The following ECHDC1 variants were observed in gnomAD, a reference collection of about 807,000 sequenced individuals.
The protein encoded by ECHDC1 is ethylmalonyl-CoA decarboxylase 1.
In ECHDC1, 29 loss-of-function variants were observed where a neutral mutation model predicts 29.7. The observed-to-expected ratio is 0.98, with a 90% CI of 0.73 to 1.33. The LOEUF (loss-of-function observed/expected upper bound fraction) is 1.33. ECHDC1 is among the 40% of genes most tolerant of loss of function. ECHDC1 has a pLI of 0.00. For missense variants in ECHDC1, 328 were observed against 350.0 expected (o/e 0.94, Z 0.50); for synonymous variants, 126 against 123.1 (o/e 1.02, Z -0.15).
intron 5 of ECHDC1, among the ~76,000 whole-genome samples, chr6:127,294,971 C>T (rs1780480666): frequency 6.7e-6 from 1 of 148,382 alleles, no homozygotes; most frequent in African/African-American, 2.5e-5. Context: ...TTTTTTGAGA[C>T]AGAGTCTCAC....
chr6:127,310,921 T>G (rs979330816), intron 5 of ECHDC1, among the ~76,000 whole-genome samples: 1 of 152,164 alleles, frequency 6.6e-6, no homozygotes, highest in African/African-American at 2.4e-5. Flanking sequence ...CCCCACCAGA[T>G]TACATCTCGG....
intron 1 of ECHDC1, among the ~76,000 whole-genome samples, chr6:127,332,476 C>A (rs1184296191): frequency 6.6e-6 from 1 of 151,810 alleles, no homozygotes; most frequent in African/African-American, 2.4e-5. Flanking sequence ...GACTTTTACA[C>A]ATTTTGGGGA....
intron 5 of ECHDC1, among the ~76,000 whole-genome samples, chr6:127,311,185 A>G (rs1037127551): frequency 3.3e-5 from 5 of 152,206 alleles, no homozygotes; most frequent in Admixed American, 2.0e-4. Flanking sequence ...AAGATGGCAG[A>G]TTTAAACCCA....
At chr6:127,294,723 G>A (rs905161006) in intron 5 of ECHDC1, 7 of 152,214 alleles carry the variant, frequency 4.6e-5, no homozygotes, top group Admixed American at 3.9e-4. Context: ...TTTTCTTGAT[G>A]TCACAGCTCT....
chr6:127,296,190 G>C lies in ECHDC1; in HGVS notation c.498-5913C>G, dbSNP rs73579988. ...TTGATAGATATGACTACTTTTGTGT[G>C]TGTGTGTCTGTTTTTTTTTAGACAG... On this transcript the variant is annotated intron_variant, in intron 5 of 5. Coordinates refer to ENST00000454859, the MANE Select transcript of ECHDC1 (RefSeq NM_001002030.2). Among the ~76,000 whole-genome samples the C allele has an allele frequency of 2.7e-3, 407 of 152,184 alleles. 4 individuals carry two copies. Among genetic ancestry groups the C allele is most frequent in the African/African-American group, 9.1e-3 (379 of 41,540 alleles).
At chr6:127,308,411 G>T in intron 5 of ECHDC1, among the ~76,000 whole-genome samples, 1 of 152,028 alleles carries the variant, frequency 6.6e-6, no homozygotes, top group Non-Finnish European at 1.5e-5. Flanking sequence ...TAATAATTTG[G>T]ACTCATGCTG....
chr6:127,303,810 C>T (rs532032911), intron 5 of ECHDC1, among the ~76,000 whole-genome samples: 1 of 152,202 alleles, frequency 6.6e-6, no homozygotes, highest in Non-Finnish European at 1.5e-5. Flanking sequence ...GACACTCCTC[C>T]ACCTTTGGAA....
intron 1 of ECHDC1, among the ~76,000 whole-genome samples, chr6:127,333,921 T>C (rs1174041699): frequency 6.6e-6 from 1 of 152,210 alleles, no homozygotes. Flanking sequence ...TGTGTTTCTA[T>C]AATGTCTAAC....
At chr6:127,306,700 A>C (rs917068715) in intron 5 of ECHDC1, among the ~76,000 whole-genome samples, 4 of 152,124 alleles carry the variant, frequency 2.6e-5, no homozygotes, top group African/African-American at 9.7e-5. Flanking sequence ...CTTCTTTATA[A>C]ATTACCCAGT....
Position 127,330,915 on chromosome 6 carries a change from T to C in ECHDC1, c.114A>G (p.Lys38=), listed in dbSNP as rs1314064806. 2 of 1,614,062 alleles carry C rather than the reference T, an allele frequency of 1.2e-6. No homozygotes were observed. Among genetic ancestry groups the C allele is most frequent in the Non-Finnish European group, 1.7e-6 (2 of 1,180,014 alleles). The change falls in exon 2 of 6, where the codon AAA becomes AAG. Residue 38 remains lysine, a synonymous_variant. Transcript: ENST00000454859. The stretch of plus-strand genomic sequence containing the variant: ...CACCAGGAAACTGCTGAAGTGTTTT[T>C]TTCACTTCTTCCTCATAAAATCCAT... ...TSHGFYEEEV[K]KTLQQFPGGS... is the part of the protein sequence containing the mutation.
At chr6:127,340,547 G>A (rs1387723521) in intron 1 of ECHDC1, among the ~76,000 whole-genome samples, 1 of 152,170 alleles carries the variant, frequency 6.6e-6, no homozygotes, top group African/African-American at 2.4e-5. Context: ...ATAAACCTGG[G>A]AGGCCTACAT....
intron 2 of ECHDC1, among the ~76,000 whole-genome samples, chr6:127,328,982 G>T (rs546109813): frequency 6.6e-6 from 1 of 151,944 alleles, no homozygotes; most frequent in Non-Finnish European, 1.5e-5. Flanking sequence ...AGCTGAGATC[G>T]CGCCACTGCA....
At chr6:127,328,186 AAATGACT>A (rs1783538964) in intron 2 of ECHDC1, among the ~76,000 whole-genome samples, 1 of 152,256 alleles carries the variant, frequency 6.6e-6, no homozygotes, top group Admixed American at 6.5e-5. Flanking sequence ...ACTAACTCAC[AAATGACT>A]AATGCAGCTA....
intron 5 of ECHDC1, among the ~76,000 whole-genome samples, chr6:127,292,328 AATC>A (rs528520296): frequency 1.0e-3 from 155 of 152,140 alleles, no homozygotes; most frequent in African/African-American, 2.9e-3. Context: ...TCTAAAGAAA[AATC>A]ATCATCTCTA....
intron 4 of ECHDC1, 95 bp downstream of exon 4, chr6:127,316,355 T>G (rs1384820856): frequency 1.9e-6 from 2 of 1,028,454 alleles, no homozygotes; most frequent in Non-Finnish European, 1.5e-6. Context: ...AATTTGAAAA[T>G]TAGCTATTAT....
At chr6:127,316,166 T>C in intron 4 of ECHDC1, 1 of 463,690 alleles carries the variant, frequency 2.2e-6, no homozygotes, top group South Asian at 1.8e-5. Flanking sequence ...TATTTAACTT[T>C]CCCAGTATCT....
chr6:127,314,826 A>G lies in ECHDC1; in HGVS notation c.487T>C (p.Cys163Arg). 6.2e-7 allele frequency: 1 copy of G among 1,606,810 alleles called. No individual in the cohort carries two copies. Among genetic ancestry groups the G allele is most frequent in the Non-Finnish European group, 8.5e-7 (1 of 1,177,224 alleles). ...AAATTTTCATCCTACCTGAAATCAC[A>G]TGCTGTAGTAAATTCTGCTCCTCCA... The part of the protein sequence containing the change: ...LGGGAEFTTA[C>R]DFRLMTPESK... Residue 163 changes from cysteine (C) to arginine (R), a missense_variant, in exon 5 of 6, where the codon TGT (cysteine) becomes CGT (arginine). Physicochemically the swap from Cys to Arg is radical, Grantham distance 180. Coordinates refer to ENST00000454859, the MANE Select transcript of ECHDC1 (RefSeq NM_001002030.2).
rs1331026495 is a variant in ECHDC1 at position 127,342,480 on chromosome 6, A to C, written c.-3+856T>G. 3.3e-6 allele frequency: 4 copies of C among 1,209,184 alleles called. No homozygotes were observed. In the African/African-American group the frequency reaches 6.1e-5, roughly 18 times the overall value. 74.9% of individuals were successfully genotyped at this position (1,209,184 alleles called of 1,614,324 possible). On this transcript the variant is annotated intron_variant, in intron 1 of 5. Coordinates refer to ENST00000454859, the MANE Select transcript of ECHDC1 (RefSeq NM_001002030.2). ...GAACCCAATAAAAAATCAAGAAAGG[A>C]TCGCCCGTTCTATTACTGCGCTGCT...
intron 5 of ECHDC1, among the ~76,000 whole-genome samples, chr6:127,298,640 T>A (rs1780803631): frequency 6.6e-6 from 1 of 152,200 alleles, no homozygotes; most frequent in Non-Finnish European, 1.5e-5. Context: ...CAATGGACTG[T>A]ATGACAATGA....
Sources: gnomAD v4.1 joint callset for allele counts (sites outside exome capture counted in the v4.1 genomes callset) on GRCh38, gnomAD v4.1.1 for gene constraint, MANE v1.5 for transcripts, NCBI Gene and HGNC (gene_info 2026-07-23, HGNC 2026-07-21) for gene names.